CBR4: variants seen among roughly 807,000 people sequenced by gnomAD.
CBR4 encodes carbonyl reductase 4, also known as 3-oxoacyl-[acyl-carrier-protein] reductase.
CBR4 carries 22 observed loss-of-function variants against 21.0 expected under a neutral mutation model. The ratio of observed to expected loss-of-function variants is 1.05; its 90% CI spans 0.75 to 1.50. The LOEUF is 1.50. Ranked by LOEUF, CBR4 falls within the 40% of genes most tolerant of loss-of-function variation. CBR4 has a pLI of 0.00. For missense variants in CBR4, 302 were observed against 286.3 expected (o/e 1.05, Z -0.40); for synonymous variants, 100 against 104.4 (o/e 0.96, Z 0.26).
downstream of CBR4, chr4:168,987,565 G>A: frequency 1.3e-6 from 1 of 787,710 alleles, no homozygotes. Flanking sequence ...TAGTTGCAGA[G>A]AAAGATAAAA....
At chr4:168,978,957 G>A (rs937531299) in intron 2 of CBR4, among the ~76,000 whole-genome samples, 23 of 151,822 alleles carry the variant, frequency 1.5e-4, no homozygotes, top group African/African-American at 5.1e-4. Flanking sequence ...TAAAAGACAG[G>A]CCTGCCATTT....
intron 2 of CBR4, among the ~76,000 whole-genome samples, chr4:168,938,997 A>G (rs983107900): frequency 2.0e-5 from 3 of 152,224 alleles, no homozygotes; most frequent in African/African-American, 7.2e-5. Context: ...AAACAAAAAA[A>G]AGAAAATTTC....
intron 2 of CBR4, among the ~76,000 whole-genome samples, chr4:168,918,347 T>C (rs1760690362): frequency 7.2e-6 from 1 of 138,384 alleles, no homozygotes; most frequent in Admixed American, 7.4e-5. Flanking sequence ...TATACATACA[T>C]ACACACACAG....
At chr4:168,961,416 T>C (rs760267439) in intron 2 of CBR4, among the ~76,000 whole-genome samples, 4 of 152,190 alleles carry the variant, frequency 2.6e-5, no homozygotes, top group Non-Finnish European at 4.4e-5. Context: ...AGTTTAGAGA[T>C]GCTTTATCCA....
intron 2 of CBR4, among the ~76,000 whole-genome samples, chr4:168,938,303 C>T (rs185698449): frequency 2.6e-5 from 4 of 152,264 alleles, no homozygotes; most frequent in African/African-American, 7.2e-5. Flanking sequence ...CTCTGGGACA[C>T]AGCTAAAGCA....
intron 2 of CBR4, chr4:168,925,263 G>A (rs1288585149): frequency 6.2e-7 from 1 of 1,606,938 alleles, no homozygotes; most frequent in Admixed American, 1.7e-5. Context: ...ACCACACCAG[G>A]AGAACAAATA....
chr4:168,957,385 A>T (rs1254466828), intron 2 of CBR4, among the ~76,000 whole-genome samples: 2 of 151,282 alleles, frequency 1.3e-5, no homozygotes, highest in Non-Finnish European at 1.5e-5. Context: ...AGGTAGGGGG[A>T]AATTTTGTTC....
intron 2 of CBR4, among the ~76,000 whole-genome samples, chr4:168,979,625 T>C (rs1250667516): frequency 6.6e-6 from 1 of 152,118 alleles, no homozygotes; most frequent in Admixed American, 6.5e-5. Context: ...GCTTCACTGG[T>C]ACCTCCAGCA....
At chr4:168,993,493 G>A (rs1180732604) in intron 4 of CBR4, among the ~76,000 whole-genome samples, 1 of 152,180 alleles carries the variant, frequency 6.6e-6, no homozygotes, top group Non-Finnish European at 1.5e-5. Flanking sequence ...TTACAGGCGT[G>A]AGCCACTGTG....
chr4:168,903,069 T>A (rs1429894453), intron 2 of CBR4, among the ~76,000 whole-genome samples: 1 of 152,224 alleles, frequency 6.6e-6, no homozygotes, highest in Non-Finnish European at 1.5e-5. Context: ...GGCCCACATT[T>A]AATTTTTTAT....
chr4:168,896,049 A>G (rs1011265378), intron 2 of CBR4, among the ~76,000 whole-genome samples: 7 of 152,182 alleles, frequency 4.6e-5, no homozygotes, highest in African/African-American at 1.7e-4. Context: ...GTCTCTACTG[A>G]AAATACAAAA....
intron 4 of CBR4, among the ~76,000 whole-genome samples, chr4:168,994,735 C>T (rs902097812): frequency 3.1e-4 from 45 of 146,142 alleles, no homozygotes; most frequent in African/African-American, 4.6e-4. Flanking sequence ...CCTACCACCA[C>T]GCCTGGCTAA....
chr4:168,904,908 C>G (rs1757309506), intron 2 of CBR4, among the ~76,000 whole-genome samples: 1 of 151,998 alleles, frequency 6.6e-6, no homozygotes. Context: ...AGGTGGATTG[C>G]CTCAGCCCCG....
At chr4:169,002,740 ATTTT>A (rs34433008) in intron 3 of CBR4, among the ~76,000 whole-genome samples, 3 of 142,466 alleles carry the variant, frequency 2.1e-5, no homozygotes, top group African/African-American at 7.6e-5. Context: ...CAGATATTGC[ATTTT>A]TTTTTTTTTT....
At chr4:168,898,235 G>A in intron 2 of CBR4, 1 of 509,246 alleles carries the variant, frequency 2.0e-6, no homozygotes, top group South Asian at 2.2e-5. Context: ...TCGCCTCAGA[G>A]AAAAGAAGGA....
intron 2 of CBR4, among the ~76,000 whole-genome samples, chr4:168,941,210 A>G (rs1010710925): frequency 6.6e-6 from 1 of 152,212 alleles, no homozygotes. Flanking sequence ...TAGCATTAGG[A>G]GAAAGACCTA....
chr4:168,945,876 A>C (rs1341958605), intron 2 of CBR4, among the ~76,000 whole-genome samples: 1 of 152,186 alleles, frequency 6.6e-6, no homozygotes, highest in Non-Finnish European at 1.5e-5. Context: ...AAACGCTAGA[A>C]AGCAGATGGG....
rs1178802516 is a variant in CBR4, at chr4:168,989,913, T to A, written c.*237A>T. On this transcript the variant is annotated 3_prime_UTR_variant, in exon 5 of 5. Coordinates refer to ENST00000306193, the MANE Select transcript of CBR4 (RefSeq NM_032783.5). ...GTGTGATTATATGGTATGTGAATTG[T>A]ATCTCATGAAGGCTTTTTAAACAAA... 2 of 1,161,296 alleles carry A rather than the reference T, an allele frequency of 1.7e-6. No individual in the cohort carries two copies. The highest frequency in any genetic ancestry group is 3.2e-5 in the African/African-American group (2 of 62,746). 71.9% of individuals were successfully genotyped at this position (1,161,296 alleles called of 1,614,324 possible). A position where few individuals can be genotyped will look rare whatever the true frequency, so the allele number is the denominator to read the frequency against.
intron 2 of CBR4, chr4:168,926,162 T>C (rs1762551304): frequency 1.4e-6 from 2 of 1,387,760 alleles, no homozygotes; most frequent in African/African-American, 1.4e-5. Flanking sequence ...ATCTAAAGGC[T>C]TTCCAAGTAT....
Sources: allele counts gnomAD v4.1 joint callset (sites outside exome capture counted in the v4.1 genomes callset), GRCh38; gene constraint gnomAD v4.1.1; transcripts MANE v1.5; gene names NCBI Gene and HGNC (gene_info 2026-07-23, HGNC 2026-07-21).